The following SDK2 variants were observed in gnomAD, a reference collection of about 807,000 sequenced individuals.
The protein encoded by SDK2 is protein sidekick-2.
In SDK2, 105 loss-of-function variants were observed where a neutral mutation model predicts 253.9. The observed-to-expected ratio is 0.41, with a 90% CI of 0.35 to 0.49. The LOEUF is 0.49. SDK2 is among the 20% of genes least tolerant of loss of function. The pLI is 0.06. For synonymous variants in SDK2, 1,249 were observed against 1,234.9 expected (o/e 1.01, Z -0.24); for missense variants, 2,608 against 3,003.0 (o/e 0.87, Z 3.07).
intron 2 of SDK2, among the ~76,000 whole-genome samples, chr17:73,498,263 G>T (rs1416288428): frequency 6.6e-6 from 1 of 152,128 alleles, no homozygotes; most frequent in Non-Finnish European, 1.5e-5. Flanking sequence ...CTCAAGTTCT[G>T]TGTCTCCCAG....
At position 73,443,224 on chromosome 17, in the gene SDK2, C is replaced by A. The variant is rs1310873973; in HGVS notation, c.614-2301G>T. Reference sequence around the variant, plus strand: ...CAGGTTTTCCTTCCTTGACTCCAGGCCTTGCTAGAAAAGGCCCAGGAAGAA... The same window carrying A: ...CAGGTTTTCCTTCCTTGACTCCAGGACTTGCTAGAAAAGGCCCAGGAAGAA... On this transcript the variant is annotated intron_variant, in intron 5 of 44. Transcript: ENST00000392650. This position sits in a 1 kb window ranked among gnomAD's most constrained non-coding sequence, Gnocchi z 4.6. Among the ~76,000 whole-genome samples the A allele has an allele frequency of 6.6e-6, 1 of 151,892 alleles. No individual in the cohort carries two copies. The highest frequency in any genetic ancestry group is 1.5e-5 in the Non-Finnish European group (1 of 68,010).
chr17:73,394,365 A>G (rs369851292), intron 25 of SDK2, 41 bp from the exon 26 acceptor site: 105 of 1,373,668 alleles, frequency 7.6e-5, no homozygotes, highest in Non-Finnish European at 1.0e-4. Flanking sequence ...CTCAGGACCC[A>G]ACGTTGACTG....
At position 73,424,074 on chromosome 17, in the gene SDK2, G is replaced by A. The variant is rs766491720; in HGVS notation, c.1602C>T (p.Asp534=). The change falls in exon 13 of 45, where the codon GAC becomes GAT. Residue 534 remains aspartate (D), a synonymous_variant. Transcript: ENST00000392650. The part of the protein sequence containing the change: ...RVTIRYIWEK[D]GATLGTESHP... ...GGCTCTCCGTGCCCAGGGTGGCCCCGTCCTTCTCCCAGATGTACCTAAAAG... is the reference window on the plus strand; with the variant it reads ...GGCTCTCCGTGCCCAGGGTGGCCCCATCCTTCTCCCAGATGTACCTAAAAG... The A allele has an allele frequency of 1.9e-5, 30 of 1,612,196 alleles. No homozygotes were observed. The highest frequency in any genetic ancestry group is 3.3e-5 in the Admixed American group (2 of 59,902).
chr17:73,360,579 AG>A (rs1192673515), intron 39 of SDK2, among the ~76,000 whole-genome samples: 2 of 129,342 alleles, frequency 1.5e-5, no homozygotes, highest in Non-Finnish European at 3.2e-5. Context: ...GGGACTTTGG[AG>A]GGCTAAACCT....
intron 1 of SDK2, among the ~76,000 whole-genome samples, chr17:73,527,360 C>T (rs1472681047): frequency 6.6e-6 from 1 of 152,160 alleles, no homozygotes; most frequent in Non-Finnish European, 1.5e-5. Context: ...AGTGGGAATG[C>T]ATAATGCAAA....
At chr17:73,640,934 G>A (rs1320410241) in intron 1 of SDK2, 1 of 152,252 alleles carries the variant, frequency 6.6e-6, no homozygotes, top group Non-Finnish European at 1.5e-5. Context: ...CAGTAATCAA[G>A]CTTCCAAGCA....
chr17:73,405,454 AC>A lies in SDK2; in HGVS notation c.2485-3314del, dbSNP rs1237976889. Among the ~76,000 whole-genome samples, 35 of 111,032 alleles carry A rather than the reference AC, an allele frequency of 3.2e-4. 2 individuals carry two copies. The highest frequency in any genetic ancestry group is 1.1e-3 in the East Asian group (4 of 3,700). The allele number at this position is 111,032 out of a possible 152,430, so 72.8% of individuals were successfully genotyped here. On this transcript the variant is annotated intron_variant, in intron 18 of 44. Coordinates refer to ENST00000392650, the MANE Select transcript of SDK2 (RefSeq NM_001144952.2). ...AACTCCTTCTCAAAAAAAAAAAAAA[AC>A]AAACAAAAAACCATATATATATATA...
rs371499649 is a variant in SDK2, at chr17:73,502,717, C to T, written c.224+4721G>A. On this transcript the variant is annotated intron_variant, in intron 2 of 44. Coordinates refer to ENST00000392650, the MANE Select transcript of SDK2 (RefSeq NM_001144952.2). ...AAGAAAATCTCCTTATCCCAACCACCATAGTAATAACTGATTCGGGTAAGA... is the reference window on the plus strand; with the variant it reads ...AAGAAAATCTCCTTATCCCAACCACTATAGTAATAACTGATTCGGGTAAGA... Among the ~76,000 whole-genome samples, 5 of 152,198 alleles carry T rather than the reference C, an allele frequency of 3.3e-5. No homozygotes were observed. The East Asian group carries it at 9.6e-4, about 29-fold the overall frequency.
At chr17:73,575,874 T>C (rs1180439921) in intron 1 of SDK2, among the ~76,000 whole-genome samples, 1 of 152,172 alleles carries the variant, frequency 6.6e-6, no homozygotes, top group East Asian at 1.9e-4. Context: ...GGGCCTGCTC[T>C]TGAGGGGCTC....
intron 27 of SDK2, 86 bp downstream of exon 27, chr17:73,393,474 C>A: frequency 7.8e-7 from 1 of 1,286,524 alleles, no homozygotes; most frequent in Non-Finnish European, 1.0e-6. Context: ...GGGGCAGAGC[C>A]TGACCCCAGA....
In SDK2 at chr17:73,455,857, T is replaced by TC; in HGVS notation, c.479+48dup. The TC allele has an allele frequency of 4.7e-6, 7 of 1,496,404 alleles. No homozygotes were observed. Among genetic ancestry groups the TC allele is most frequent in the Non-Finnish European group, 6.2e-6 (7 of 1,122,198 alleles). 92.7% of individuals were successfully genotyped at this position (1,496,404 alleles called of 1,614,324 possible). A position where few individuals can be genotyped will look rare whatever the true frequency, so the allele number is the denominator to read the frequency against. ...AGACTTTATCTGGCCCCAAACCTCCTCCCCCAGACACCCCTCCCCTCCCCG... is the reference window on the plus strand; with the variant it reads ...AGACTTTATCTGGCCCCAAACCTCCTCCCCCCAGACACCCCTCCCCTCCCCG... On this transcript the variant is annotated intron_variant, in intron 4 of 44. Transcript: ENST00000392650. The surrounding 1 kb of genome is among the most constrained non-coding windows in gnomAD (Gnocchi z 5.0).
intron 1 of SDK2, among the ~76,000 whole-genome samples, chr17:73,626,641 C>T (rs1037662780): frequency 3.3e-5 from 5 of 152,224 alleles, no homozygotes; most frequent in Admixed American, 2.0e-4. Flanking sequence ...GGCCACTGTC[C>T]TGTGCCCAGA....
At chr17:73,524,869 C>T (rs751727426) in intron 1 of SDK2, among the ~76,000 whole-genome samples, 11 of 152,266 alleles carry the variant, frequency 7.2e-5, no homozygotes, top group Non-Finnish European at 1.3e-4. Flanking sequence ...TCGCTGGGTG[C>T]TTCCTCCTCA....
intron 1 of SDK2, among the ~76,000 whole-genome samples, chr17:73,531,066 A>G (rs374435658): frequency 5.7e-4 from 87 of 152,014 alleles, no homozygotes; most frequent in African/African-American, 1.9e-3. Flanking sequence ...TGTGGTTCTG[A>G]AATGTTGATG....
At chr17:73,633,551 A>G (rs1274405386) in intron 1 of SDK2, among the ~76,000 whole-genome samples, 1 of 152,210 alleles carries the variant, frequency 6.6e-6, no homozygotes, top group Non-Finnish European at 1.5e-5. Context: ...TGAGGCCCAC[A>G]CAGAGTCATG....
chr17:73,468,316 G>C (rs1432674257), intron 3 of SDK2, among the ~76,000 whole-genome samples: 1 of 152,190 alleles, frequency 6.6e-6, no homozygotes, highest in African/African-American at 2.4e-5. Context: ...GAGCTGGCTA[G>C]ACGCTTTGGC....
chr17:73,461,808 T>C (rs929414310), intron 3 of SDK2, among the ~76,000 whole-genome samples: 17 of 152,174 alleles, frequency 1.1e-4, no homozygotes, highest in Non-Finnish European at 2.4e-4. Context: ...TACATGTATG[T>C]ATGTTTGGAT....
At position 73,483,702 on chromosome 17, in the gene SDK2, TATATA is replaced by T. The variant is rs1165463539; in HGVS notation, c.225-11489_225-11485del. Among the ~76,000 whole-genome samples, 211 of 80,404 alleles carry T rather than the reference TATATA, an allele frequency of 2.6e-3. 8 individuals carry two copies. Among genetic ancestry groups the T allele is most frequent in the East Asian group, 5.9e-3 (16 of 2,702 alleles). 52.7% of individuals were successfully genotyped at this position (80,404 alleles called of 152,430 possible). A position where few individuals can be genotyped will look rare whatever the true frequency, so the allele number is the denominator to read the frequency against. On this transcript the variant is annotated intron_variant, in intron 2 of 44. Transcript: ENST00000392650. ...ATATATTTATATATATATATATATA[TATATA>T]TTTTTTTTTTTTTTTAGTAGAGTTG...
At chr17:73,516,993 G>C (rs913513716) in intron 1 of SDK2, 5 of 152,318 alleles carry the variant, frequency 3.3e-5, no homozygotes, top group Admixed American at 3.3e-4. Context: ...CCCTGGGCCT[G>C]CCACCGAGCC....
Sources: gnomAD v4.1 joint callset for allele counts (sites outside exome capture counted in the v4.1 genomes callset) on GRCh38, gnomAD v4.1.1 for gene constraint, Gnocchi (gnomAD v3.1) non-coding constraint, MANE v1.5 for transcripts, NCBI Gene and HGNC (gene_info 2026-07-23, HGNC 2026-07-21) for gene names.